The following FLG variants were observed in gnomAD, a reference collection of about 807,000 sequenced individuals.
FLG encodes the protein epidermal filaggrin.
FLG carries 6 observed loss-of-function variants against 3.8 expected under a neutral mutation model. The ratio of observed to expected loss-of-function variants is 1.60; its 90% CI spans 0.87 to 3.15. FLG has a LOEUF of 3.15. FLG is among the 30% of genes most tolerant of loss of function. FLG has a pLI of 0.00. For synonymous variants in FLG, 2,551 were observed against 1,931.6 expected, an observed-to-expected ratio of 1.32 and a Z score of -8.41; for missense variants, 7,595 against 5,050.9, an observed-to-expected ratio of 1.50 and a Z score of -15.27.
chr1:152,308,641 T>A lies in FLG; in HGVS notation c.6245A>T (p.Glu2082Val). Residue 2082 changes from glutamate (E) to valine (V), a missense_variant, in exon 3 of 3, where the codon GAA (glutamate) becomes GTA (valine). Physicochemically the swap from Glu to Val is moderately radical, Grantham distance 121. Coordinates refer to ENST00000368799, the MANE Select transcript of FLG (RefSeq NM_002016.2). ...HKESARGQSG[E>V]SSGRSGSFLY... ...GAAAGACCCTGAACGTCCAGAGCTT[T>A]CCCCTGACTGGCCACGTGCGGACTC... 1 of 1,614,090 alleles carries A rather than the reference T, an allele frequency of 6.2e-7. No individual in the cohort carries two copies. The highest frequency in any genetic ancestry group is 1.1e-5 in the South Asian group (1 of 91,072).
rs543138888 is a variant in FLG, at chr1:152,312,423, G to T, written c.2463C>A (p.His821Gln). Residue 821 changes from histidine (H) to glutamine (Q), a missense_variant, in exon 3 of 3, where the codon CAC (histidine) becomes CAA (glutamine). Transcript: ENST00000368799. The stretch of plus-strand genomic sequence containing the variant: ...TGGAGTTGTCTCGTGCCTGCTCATG[G>T]TGGGATCCTTGTCTTACTCCAGTGC... ...GPSTGVRQGS[H>Q]HEQARDNSRH... The T allele has an allele frequency of 6.2e-7, 1 of 1,613,542 alleles. No individual in the cohort carries two copies. Among genetic ancestry groups the T allele is most frequent in the African/African-American group, 1.3e-5 (1 of 74,850 alleles).
rs1652563726 is a variant in FLG at position 152,312,902 on chromosome 1, A to T, written c.1984T>A (p.Ser662Thr). The T allele has an allele frequency of 1.2e-6, 2 of 1,613,588 alleles. No homozygotes were observed. The highest frequency in any genetic ancestry group is 1.3e-5 in the African/African-American group (1 of 74,686). Reference sequence around the variant, plus strand: ...TGACCAGCTCTGTCTTCGTGATGGGACCTGGGGTGTCTGGAGCCATCTCTT... The same window carrying T: ...TGACCAGCTCTGTCTTCGTGATGGGTCCTGGGGTGTCTGGAGCCATCTCTT... Reference protein sequence around the residue: ...QSRDGSRHPRSHHEDRAGHGH... With the variant: ...QSRDGSRHPRTHHEDRAGHGH... Residue 662 changes from serine to threonine, a missense_variant, in exon 3 of 3, where the codon TCC becomes ACC. Ser to Thr is a moderately conservative substitution (Grantham distance 58). Coordinates refer to ENST00000368799, the MANE Select transcript of FLG (RefSeq NM_002016.2).
rs542155463 is a variant in FLG, at chr1:152,313,574, A to G, written c.1312T>C (p.Ser438Pro). 14 of 1,613,740 alleles carry G rather than the reference A, an allele frequency of 8.7e-6. No individual in the cohort carries two copies. In the African/African-American group the frequency reaches 1.9e-4, roughly 22 times the overall value. The part of the protein sequence containing the change: ...HSENSDTQSV[S>P]GHGKAGLRQQ... ...CTCAGCCCAGCCTTTCCGTGGCCTGACACTGATTGTGTGTCTGAGTTTTCT... is the reference window on the plus strand; with the variant it reads ...CTCAGCCCAGCCTTTCCGTGGCCTGGCACTGATTGTGTGTCTGAGTTTTCT... Residue 438 changes from serine to proline, a missense_variant, in exon 3 of 3, where the codon TCA becomes CCA. By Grantham distance (74) the Ser-to-Pro change is moderately conservative (BLOSUM62 -1). Transcript: ENST00000368799.
chr1:152,320,060 A>G (rs1652905295), intron 1 of FLG, among the ~76,000 whole-genome samples: 4 of 151,402 alleles, frequency 2.6e-5, no homozygotes, highest in South Asian at 2.1e-4. Flanking sequence ...TTTTCTTAAT[A>G]ATATACCCTA....
chr1:152,320,433 C>A (rs2101657647), intron 1 of FLG, among the ~76,000 whole-genome samples: 1 of 150,608 alleles, frequency 6.6e-6, no homozygotes, highest in East Asian at 1.9e-4. Context: ...AAAGAGATAC[C>A]ATTCAAACAC....
In FLG at chr1:152,305,096, G is replaced by A. The variant is rs1651868088; in HGVS notation, c.9790C>T (p.His3264Tyr). Residue 3264 changes from histidine to tyrosine, a missense_variant, in exon 3 of 3, where the codon CAC (histidine) becomes TAC (tyrosine). Coordinates refer to ENST00000368799, the MANE Select transcript of FLG (RefSeq NM_002016.2). ...CTGGAGCGGTCTGCAGAGTGCCCGT[G>A]ACCGGCTCTGTCTTCGTGATGGGAC... ...PRSHHEDRAG[H>Y]GHSADRSRQS... The A allele has an allele frequency of 6.2e-7, 1 of 1,613,894 alleles. No individual in the cohort carries two copies. Among genetic ancestry groups the A allele is most frequent in the South Asian group, 1.1e-5 (1 of 91,034 alleles).
At position 152,304,443 on chromosome 1, in the gene FLG, T is replaced by C; in HGVS notation, c.10443A>G (p.Gly3481=). The change falls in exon 3 of 3, where the codon GGA becomes GGG. Residue 3481 remains glycine, a synonymous_variant. Coordinates refer to ENST00000368799, the MANE Select transcript of FLG (RefSeq NM_002016.2). ...GRSDASRGQS[G]SRSASRQTRN... is the part of the protein sequence containing the mutation. ...GAGTTTGTCTGCTGGCACTTCTGGA[T>C]CCTGACTGCCCACGGGAGGCATCAG... The C allele has an allele frequency of 6.2e-7, 1 of 1,612,128 alleles. No homozygotes were observed. The highest frequency in any genetic ancestry group is 8.5e-7 in the Non-Finnish European group (1 of 1,179,290).
chr1:152,303,489 G>A lies in FLG; in HGVS notation c.11397C>T (p.Ala3799=), dbSNP rs1481497873. 2.5e-6 allele frequency: 4 copies of A among 1,613,902 alleles called. No individual in the cohort carries two copies. In the African/African-American group the frequency reaches 5.3e-5, roughly 22 times the overall value. The change falls in exon 3 of 3, where the codon GCC becomes GCT. Residue 3799 remains alanine, a synonymous_variant. Transcript: ENST00000368799. The stretch of plus-strand genomic sequence containing the variant: ...TTCTGGATCCTGACTGCCCATGGGA[G>A]GCATCAGACCTTCCCTGGGATGTGG... ...SHTTSQGRSD[A]SHGQSGSRSA... is the part of the protein sequence containing the mutation.
chr1:152,311,636 G>C lies in FLG; in HGVS notation c.3250C>G (p.Gln1084Glu), dbSNP rs758675000. The C allele has an allele frequency of 6.2e-7, 1 of 1,614,134 alleles. No individual in the cohort carries two copies. Among genetic ancestry groups the C allele is most frequent in the Non-Finnish European group, 8.5e-7 (1 of 1,180,024 alleles). The part of the protein sequence containing the change: ...SEGHSEESDT[Q>E]SVSGHGQDGP... ...TCCTGTCCATGGCCTGACACTGACT[G>C]TGTGTCTGACTCCTCTGAATGTCCC... Residue 1084 changes from glutamine to glutamate, a missense_variant, in exon 3 of 3, where the codon CAG becomes GAG. Gln to Glu is a conservative substitution (Grantham distance 29). Coordinates refer to ENST00000368799, the MANE Select transcript of FLG (RefSeq NM_002016.2).
intron 1 of FLG, among the ~76,000 whole-genome samples, chr1:152,324,916 G>A (rs748680249): frequency 5.9e-5 from 9 of 151,814 alleles, no homozygotes; most frequent in Non-Finnish European, 1.2e-4. Flanking sequence ...CATAGATAGA[G>A]CCAAGACCAA....
At position 152,304,968 on chromosome 1, in the gene FLG, G is replaced by C. The variant is rs781293260; in HGVS notation, c.9918C>G (p.His3306Gln). 7.4e-6 allele frequency: 12 copies of C among 1,613,662 alleles called. No homozygotes were observed. The East Asian group carries it at 8.9e-5, about 12-fold the overall frequency. Reference protein sequence around the residue: ...SSPGERHGSRHQQSADSSRHS... With the variant: ...SSPGERHGSRQQQSADSSRHS... The stretch of plus-strand genomic sequence containing the variant: ...GTCTGGAGCTGTCTGCTGACTGCTG[G>C]TGGCGGGATCCGTGTCTCTCTCCTG... The change falls in exon 3 of 3, where the codon CAC becomes CAG. Residue 3306 changes from histidine (H) to glutamine (Q), a missense_variant. By Grantham distance (24) the His-to-Gln change is conservative. Coordinates refer to ENST00000368799, the MANE Select transcript of FLG (RefSeq NM_002016.2).
At position 152,310,468 on chromosome 1, in the gene FLG, G is replaced by A. The variant is rs1652326426; in HGVS notation, c.4418C>T (p.Ala1473Val). Residue 1473 changes from alanine to valine, a missense_variant, in exon 3 of 3, where the codon GCA becomes GTA. By Grantham distance (64) the Ala-to-Val change is moderately conservative. Coordinates refer to ENST00000368799, the MANE Select transcript of FLG (RefSeq NM_002016.2). ...GGRQGSRHEQ[A>V]RNSSRHSASQ... ...TGCTGAGTGCCTAGAGCTGTTTCGT[G>A]CCTGCTCATGGCGGGATCCTTGTCT... The A allele has an allele frequency of 6.2e-7, 1 of 1,613,586 alleles. No individual in the cohort carries two copies. The highest frequency in any genetic ancestry group is 8.5e-7 in the Non-Finnish European group (1 of 1,179,850).
rs2101634019 is a variant in FLG at position 152,302,367 on chromosome 1, AT to A, written c.*332del. On this transcript the variant is annotated 3_prime_UTR_variant, in exon 3 of 3. Transcript: ENST00000368799. Reference sequence around the variant, plus strand: ...GGCTCCTTCGATATTTCTGAAAAAGATTAATTTAGAAATTTGGGGAGTGTCT... The same window carrying A: ...GGCTCCTTCGATATTTCTGAAAAAGATAATTTAGAAATTTGGGGAGTGTCT... 3.3e-6 allele frequency: 1 copy of A among 305,458 alleles called. No homozygotes were observed. The highest frequency in any genetic ancestry group is 6.1e-6 in the Non-Finnish European group (1 of 164,516). The allele number at this position is 305,458 out of a possible 1,614,324, so 18.9% of individuals were successfully genotyped here.
At position 152,310,110 on chromosome 1, in the gene FLG, G is replaced by A. The variant is rs201765438; in HGVS notation, c.4776C>T (p.Ser1592=). The A allele has an allele frequency of 7.4e-5, 119 of 1,613,960 alleles. No homozygotes were observed. In the East Asian group the frequency reaches 1.0e-3, roughly 14 times the overall value. ...CACTGTCCCTGTCCTGACTAACACT[G>A]GATCCCTGGCGCCTGCTTGTCTTGG... ...AGSKTSRRQG[S]SVSQDRDSEG... is the part of the protein sequence containing the mutation. Residue 1592 remains serine (S), a synonymous_variant, in exon 3 of 3, where the codon TCC becomes TCT. Transcript: ENST00000368799.
Position 152,308,262 on chromosome 1 carries a change from C to T in FLG, c.6624G>A (p.Ser2208=), listed in dbSNP as rs144679024. The part of the protein sequence containing the change: ...QSGDGSRHSG[S]HHHEASSWAD... ...CCCAAGAGGAAGCTTCATGATGATGCGACCCTGAGTGCCTAGAGCCATCTC... is the reference window on the plus strand; with the variant it reads ...CCCAAGAGGAAGCTTCATGATGATGTGACCCTGAGTGCCTAGAGCCATCTC... Residue 2208 remains serine (S), a synonymous_variant, in exon 3 of 3, where the codon TCG becomes TCA. Transcript: ENST00000368799. The T allele has an allele frequency of 4.4e-5, 71 of 1,613,914 alleles. No homozygotes were observed. Among genetic ancestry groups the T allele is most frequent in the South Asian group, 1.5e-4 (14 of 91,062 alleles).
chr1:152,312,665 C>T lies in FLG; in HGVS notation c.2221G>A (p.Gly741Arg). The stretch of plus-strand genomic sequence containing the variant: ...TCAGTGGCCTGACTACCACTGGACC[C>T]TCGGTGTCCACTGTCTCTGACTGCA... ...SSAVRDSGHRGSSGSQATDSE... is the reference protein window; with the variant it reads ...SSAVRDSGHRRSSGSQATDSE... The change falls in exon 3 of 3, where the codon GGG (glycine) becomes AGG (arginine). Residue 741 changes from glycine to arginine, a missense_variant. By Grantham distance (125) the Gly-to-Arg change is moderately radical. Coordinates refer to ENST00000368799, the MANE Select transcript of FLG (RefSeq NM_002016.2). 2 of 1,614,002 alleles carry T rather than the reference C, an allele frequency of 1.2e-6. No homozygotes were observed. The highest frequency in any genetic ancestry group is 1.7e-6 in the Non-Finnish European group (2 of 1,180,020).
At position 152,310,199 on chromosome 1, in the gene FLG, C is replaced by T. The variant is rs1652295653; in HGVS notation, c.4687G>A (p.Glu1563Lys). 3 of 1,613,760 alleles carry T rather than the reference C, an allele frequency of 1.9e-6. No individual in the cohort carries two copies. In the African/African-American group the frequency reaches 4.0e-5, roughly 22 times the overall value. ...GAGCTGCCGGCCCGAGTGGAAGGTT[C>T]ATGGTGACGTGACCCTGAGTGCCTG... Reference protein sequence around the residue: ...GSRHSGSRHHEPSTRAGSSRH... With the variant: ...GSRHSGSRHHKPSTRAGSSRH... The change falls in exon 3 of 3, where the codon GAA (glutamate) becomes AAA (lysine). Residue 1563 changes from glutamate to lysine, a missense_variant. By Grantham distance (56) the Glu-to-Lys change is moderately conservative. Transcript: ENST00000368799.
In FLG at chr1:152,311,962, T is replaced by C. The variant is rs2101649216; in HGVS notation, c.2924A>G (p.Gln975Arg). 3 of 1,614,098 alleles carry C rather than the reference T, an allele frequency of 1.9e-6. No homozygotes were observed. Among genetic ancestry groups the C allele is most frequent in the Non-Finnish European group, 2.5e-6 (3 of 1,179,966 alleles). The part of the protein sequence containing the change: ...SASRNHRGSA[Q>R]EQSRHGSRHP... ...TCTGGAGCCATGTCTTGACTGCTCC[T>C]GAGCAGATCCACGATGGTTTCTGGA... Residue 975 changes from glutamine to arginine, a missense_variant, in exon 3 of 3, where the codon CAG becomes CGG. Coordinates refer to ENST00000368799, the MANE Select transcript of FLG (RefSeq NM_002016.2).
rs141677205 is a variant in FLG at position 152,311,277 on chromosome 1, C to T, written c.3609G>A (p.Arg1203=). Residue 1203 remains arginine, a synonymous_variant, in exon 3 of 3, where the codon AGG becomes AGA. Transcript: ENST00000368799. ...CTGACTGCCCATGGGAGGCATCAGACCTTCCCTGGGATGTGGTGTGGCTGT... is the reference window on the plus strand; with the variant it reads ...CTGACTGCCCATGGGAGGCATCAGATCTTCCCTGGGATGTGGTGTGGCTGT... The part of the protein sequence containing the change: ...SHHSHTTSQG[R]SDASHGQSGS... The T allele has an allele frequency of 3.1e-6, 5 of 1,613,878 alleles. No individual in the cohort carries two copies. The highest frequency in any genetic ancestry group is 1.7e-5 in the Admixed American group (1 of 59,996).
Sources: gnomAD v4.1 joint callset for allele counts (sites outside exome capture counted in the v4.1 genomes callset) on GRCh38, gnomAD v4.1.1 for gene constraint, MANE v1.5 for transcripts, NCBI Gene and HGNC (gene_info 2026-07-23, HGNC 2026-07-21) for gene names.